Variants in MAPK8IP3 observed in about 807,000 individuals in gnomAD.
MAPK8IP3 encodes the protein C-Jun-amino-terminal kinase-interacting protein 3.
In MAPK8IP3, 49 loss-of-function variants were observed where a neutral mutation model predicts 157.8. The ratio of observed to expected loss-of-function variants is 0.31; its 90% CI spans 0.25 to 0.39. MAPK8IP3 has a LOEUF of 0.39. Among genes scored for constraint, MAPK8IP3 ranks in the 10% least tolerant of loss-of-function variants. The probability of loss-of-function intolerance (pLI) is 1.00; values close to 1 mark genes in which losing one functional copy is unlikely to be tolerated. For missense variants in MAPK8IP3, 1,478 were observed against 1,889.4 expected (o/e 0.78, Z 4.04); for synonymous variants, 897 against 777.7 (o/e 1.15, Z -2.55).
intron 2 of MAPK8IP3, among the ~76,000 whole-genome samples, chr16:1,727,805 C>T (rs536954813): frequency 1.8e-4 from 27 of 152,294 alleles, no homozygotes; most frequent in African/African-American, 3.1e-4. Context: ...CGTAGGCCGC[C>T]GCGGCCTCCA....
At position 1,763,133 on chromosome 16, in the gene MAPK8IP3, A is replaced by G. The variant is rs2042049403; in HGVS notation, c.1898+127A>G. 2.4e-6 allele frequency: 3 copies of G among 1,264,646 alleles called. No individual in the cohort carries two copies. The African/African-American group carries it at 4.4e-5, about 19-fold the overall frequency. 78.3% of individuals were successfully genotyped at this position (1,264,646 alleles called of 1,614,324 possible). On this transcript the variant is annotated intron_variant, in intron 16 of 31. Coordinates refer to ENST00000610761, the MANE Select transcript of MAPK8IP3 (RefSeq NM_001318852.2). ...GCCTCCACCTTGCTGGCCACATGCCAGGGGCCGTGACCTCTCCCTGCACAC... is the reference window on the plus strand; with the variant it reads ...GCCTCCACCTTGCTGGCCACATGCCGGGGGCCGTGACCTCTCCCTGCACAC...
chr16:1,748,245 C>T lies in MAPK8IP3; in HGVS notation c.996C>T (p.Gly332=), dbSNP rs2041088250. 4 of 1,612,766 alleles carry T rather than the reference C, an allele frequency of 2.5e-6. No individual in the cohort carries two copies. The Admixed American group carries it at 6.7e-5, about 27-fold the overall frequency. Reference sequence around the variant, plus strand: ...AGGTGCCCCTGTGCTCTCCCCTAGGCATGGGCAGCAGTGACGAGTGGTCTG... The same window carrying T: ...AGGTGCCCCTGTGCTCTCCCCTAGGTATGGGCAGCAGTGACGAGTGGTCTG... ...VTQEMRNVSI[G]MGSSDEWSDV... Residue 332 remains glycine (G), a splice_region_variant and synonymous_variant, in exon 7 of 32, where the codon GGC becomes GGT. Coordinates refer to ENST00000610761, the MANE Select transcript of MAPK8IP3 (RefSeq NM_001318852.2).
chr16:1,724,614 G>C lies in MAPK8IP3; in HGVS notation c.376G>C (p.Val126Leu). The C allele has an allele frequency of 1.2e-6, 2 of 1,613,698 alleles. No individual in the cohort carries two copies. The highest frequency in any genetic ancestry group is 3.3e-5 in the Admixed American group (2 of 60,028). The stretch of plus-strand genomic sequence containing the variant: ...AGAGAAGAAAGAGCTGCAAATCCAG[G>C]TGGAGCACTACGAGTTCCAGACGCG... ...EQEKKELQIQVEHYEFQTRQL... is the reference protein window; with the variant it reads ...EQEKKELQIQLEHYEFQTRQL... Residue 126 changes from valine (V) to leucine (L), a missense_variant, in exon 2 of 32, where the codon GTG becomes CTG. This residue lies in a region of MAPK8IP3 where 65 missense variants were observed against 161.8 expected (regional missense o/e 0.40). Transcript: ENST00000610761. The surrounding 1 kb of genome is among the most constrained non-coding windows in gnomAD (Gnocchi z 4.1).
chr16:1,736,749 T>A (rs1443966347), intron 4 of MAPK8IP3, among the ~76,000 whole-genome samples: 3 of 70,698 alleles, frequency 4.2e-5, no homozygotes, highest in Non-Finnish European at 7.7e-5. Context: ...TGACCATCCA[T>A]GTGAGCATCC....
intron 2 of MAPK8IP3, 28 bp from the exon 3 acceptor site, chr16:1,729,110 C>G: frequency 6.2e-7 from 1 of 1,605,962 alleles, no homozygotes; most frequent in Non-Finnish European, 8.5e-7. Flanking sequence ...GCGTCTTGTG[C>G]GGCTCAGACA....
In MAPK8IP3 at chr16:1,765,960, C is replaced by A. The variant is rs761312968; in HGVS notation, c.2447C>A (p.Ala816Glu). 8 of 1,608,960 alleles carry A rather than the reference C, an allele frequency of 5.0e-6. No individual in the cohort carries two copies. The highest frequency in any genetic ancestry group is 6.8e-6 in the Non-Finnish European group (8 of 1,177,842). The change falls in exon 21 of 32, where the codon GCG becomes GAG. Residue 816 changes from alanine (A) to glutamate (E), a missense_variant and splice_region_variant. Ala to Glu is a moderately radical substitution (Grantham distance 107). This residue lies in a region of MAPK8IP3 where 669 missense variants were observed against 759.8 expected (regional missense o/e 0.88). Coordinates refer to ENST00000610761, the MANE Select transcript of MAPK8IP3 (RefSeq NM_001318852.2). ...AHVLCISSIP[A>E]ASDSDYPPGE... Reference sequence around the variant, plus strand: ...GCTGACGGGCCGTCCCTCTCCCCAGCGGCCAGCGACAGCGACTACCCTCCC... The same window carrying A: ...GCTGACGGGCCGTCCCTCTCCCCAGAGGCCAGCGACAGCGACTACCCTCCC...
chr16:1,762,522 C>A (rs201827481), intron 14 of MAPK8IP3, 41 bp downstream of exon 14: 2 of 1,607,998 alleles, frequency 1.2e-6, no homozygotes, highest in Non-Finnish European at 1.7e-6. Flanking sequence ...GCGGGATCAT[C>A]CCTGACGGCA....
At chr16:1,732,633 C>T (rs780854764) in intron 4 of MAPK8IP3, among the ~76,000 whole-genome samples, 28 of 152,246 alleles carry the variant, frequency 1.8e-4, no homozygotes, top group Non-Finnish European at 7.3e-5. Context: ...GCCATCTGCC[C>T]ACCCAGAGCA....
intron 10 of MAPK8IP3, among the ~76,000 whole-genome samples, 193 bp downstream of exon 10, chr16:1,759,188 G>T (rs1444080003): frequency 1.3e-5 from 2 of 152,202 alleles, no homozygotes; most frequent in Admixed American, 6.5e-5. Flanking sequence ...TTCCCCAAGG[G>T]ACAGACTTGA....
chr16:1,752,777 A>G (rs1051932754), intron 8 of MAPK8IP3, among the ~76,000 whole-genome samples: 1 of 151,100 alleles, frequency 6.6e-6, no homozygotes, highest in Admixed American at 6.6e-5. Context: ...AGAGAGAAGG[A>G]AAAGAAAAAG....
At chr16:1,729,852 G>A (rs1283172786) in intron 4 of MAPK8IP3, among the ~76,000 whole-genome samples, 1 of 151,994 alleles carries the variant, frequency 6.6e-6, no homozygotes, top group Non-Finnish European at 1.5e-5. Flanking sequence ...GGCAGCTTGC[G>A]CATATTTAAC....
At chr16:1,760,217 T>C in intron 11 of MAPK8IP3, 163 bp from the exon 12 acceptor site, 3 of 998,730 alleles carry the variant, frequency 3.0e-6, no homozygotes, top group Non-Finnish European at 4.4e-6. Flanking sequence ...CTAACAAGGG[T>C]GCTATAGGGT....
Position 1,770,097 on chromosome 16 carries a change from C to G in MAPK8IP3, c.*1273C>G, listed in dbSNP as rs373475903. On this transcript the variant is annotated 3_prime_UTR_variant, in exon 32 of 32. Coordinates refer to ENST00000610761, the MANE Select transcript of MAPK8IP3 (RefSeq NM_001318852.2). The stretch of plus-strand genomic sequence containing the variant: ...GAGCTGCCCCACAAGCCCCGCTGGC[C>G]ACCGAGGGCTGCAGCCGCTGCGCTG... 2.0e-5 allele frequency: 3 copies of G among 152,670 alleles called. No homozygotes were observed. In the East Asian group the frequency reaches 5.8e-4, roughly 29 times the overall value. The allele number at this position is 152,670 out of a possible 1,614,324, so 9.5% of individuals were successfully genotyped here. A position where few individuals can be genotyped will look rare whatever the true frequency, so the allele number is the denominator to read the frequency against.
Position 1,764,416 on chromosome 16 carries a change from A to G in MAPK8IP3, c.2237A>G (p.Asp746Gly). The G allele has an allele frequency of 6.2e-7, 1 of 1,606,054 alleles. No individual in the cohort carries two copies. Among genetic ancestry groups the G allele is most frequent in the Non-Finnish European group, 8.5e-7 (1 of 1,177,866 alleles). The change falls in exon 19 of 32, where the codon GAC becomes GGC. Residue 746 changes from aspartate to glycine, a missense_variant. Asp to Gly is a moderately conservative substitution (Grantham distance 94, BLOSUM62 -1). Transcript: ENST00000610761. ...CCCCTGACCTGCGACCGCGAAGGAG[A>G]CGGCGAGCCCAAGAGCGCCCACACG... ...RDPLTCDREG[D>G]GEPKSAHTSP...
At chr16:1,728,267 ACTGT>A (rs1371359082) in intron 2 of MAPK8IP3, among the ~76,000 whole-genome samples, 1 of 152,154 alleles carries the variant, frequency 6.6e-6, no homozygotes, top group Non-Finnish European at 1.5e-5. Context: ...GGGAGACATG[ACTGT>A]CAGCCCAGAA....
intron 2 of MAPK8IP3, among the ~76,000 whole-genome samples, chr16:1,727,559 C>T (rs768092666): frequency 2.0e-5 from 3 of 151,714 alleles, no homozygotes; most frequent in Admixed American, 6.6e-5. Flanking sequence ...GTGTCTAAGT[C>T]GTGTGTGTGA....
At chr16:1,735,996 GTGTGACCGTCCA>G (rs2039733431) in intron 4 of MAPK8IP3, among the ~76,000 whole-genome samples, 1 of 145,132 alleles carries the variant, frequency 6.9e-6, no homozygotes, top group Non-Finnish European at 1.5e-5. Flanking sequence ...GTGAGCATCC[GTGTGACCGTCCA>G]TGTGAGAGTG....
intron 4 of MAPK8IP3, among the ~76,000 whole-genome samples, chr16:1,734,665 G>T (rs560687654): frequency 1.3e-5 from 2 of 152,380 alleles, no homozygotes; most frequent in Admixed American, 1.3e-4. Context: ...GCTGGAAGGA[G>T]CCCGTCCCTG....
chr16:1,765,242 A>C lies in MAPK8IP3; in HGVS notation c.2446+64A>C, dbSNP rs2141945085. The C allele has an allele frequency of 2.0e-6, 3 of 1,507,112 alleles. No homozygotes were observed. The African/African-American group carries it at 4.1e-5, about 21-fold the overall frequency. 93.4% of individuals were successfully genotyped at this position (1,507,112 alleles called of 1,614,324 possible). A position where few individuals can be genotyped will look rare whatever the true frequency, so the allele number is the denominator to read the frequency against. ...TCCCTTTTACTAGCAAGCTAAGTAA[A>C]AGCCCTGCCACACAGCAGCTGCCTT... On this transcript the variant is annotated intron_variant, in intron 20 of 31. Coordinates refer to ENST00000610761, the MANE Select transcript of MAPK8IP3 (RefSeq NM_001318852.2).
Sources: gnomAD v4.1 joint callset for allele counts (sites outside exome capture counted in the v4.1 genomes callset) on GRCh38, gnomAD v4.1.1 for gene constraint, gnomAD v4.1.1 regional missense constraint, Gnocchi (gnomAD v3.1) non-coding constraint, MANE v1.5 for transcripts, NCBI Gene and HGNC (gene_info 2026-07-23, HGNC 2026-07-21) for gene names.